Variants in SEPTIN4 observed in about 807,000 individuals in gnomAD.
The protein encoded by SEPTIN4 is septin 4.
Under a neutral mutation model 107.1 loss-of-function variants are expected in SEPTIN4, and 52 were observed. The ratio of observed to expected loss-of-function variants is 0.49; its 90% CI spans 0.39 to 0.61. The LOEUF (loss-of-function observed/expected upper bound fraction) is 0.61. Ranked by LOEUF, SEPTIN4 falls within the 20% of genes least tolerant of loss-of-function variation. The pLI is 0.00. For missense variants in SEPTIN4, 1,048 were observed against 1,243.5 expected (o/e 0.84, Z 2.36); for synonymous variants, 417 against 467.0 (o/e 0.89, Z 1.38).
Position 58,543,667 on chromosome 17 carries a change from C to G in SEPTIN4, c.520G>C (p.Glu174Gln), listed in dbSNP as rs765744480. The G allele has an allele frequency of 3.7e-6, 6 of 1,614,176 alleles. No individual in the cohort carries two copies. Among genetic ancestry groups the G allele is most frequent in the Non-Finnish European group, 5.1e-6 (6 of 1,180,018 alleles). Residue 174 changes from glutamate (E) to glutamine (Q), a missense_variant, in exon 1 of 14, where the codon GAA (glutamate) becomes CAA (glutamine). By Grantham distance (29) the Glu-to-Gln change is conservative (BLOSUM62 2). Around this residue, in one of 2 missense-constraint regions of SEPTIN4, gnomAD observed 787 missense variants for 871.8 expected, o/e 0.90. Transcript: ENST00000672673. Reference protein sequence around the residue: ...QKNNLQSQILEDDPPSKVQNP... With the variant: ...QKNNLQSQILQDDPPSKVQNP... ...TGGACCTTGGATGGTGGGTCATCTTCTAAGATTTGTGATTGTAAGTTATTC... is the reference window on the plus strand; with the variant it reads ...TGGACCTTGGATGGTGGGTCATCTTGTAAGATTTGTGATTGTAAGTTATTC...
Position 58,544,143 on chromosome 17 carries a change from G to A in SEPTIN4, c.44C>T (p.Ala15Val), listed in dbSNP as rs779205925. The A allele has an allele frequency of 2.5e-6, 4 of 1,613,870 alleles. No individual in the cohort carries two copies. Among genetic ancestry groups the A allele is most frequent in the Non-Finnish European group, 3.4e-6 (4 of 1,179,886 alleles). Reference protein sequence around the residue: ...NKPGAKVAVSAQRGSEVTTNT... With the variant: ...NKPGAKVAVSVQRGSEVTTNT... The stretch of plus-strand genomic sequence containing the variant: ...AGTAGTAACCTCAGACCCTCTCTGT[G>A]CTGAAACCGCTACCTTGGCCCCAGG... Residue 15 changes from alanine (A) to valine (V), a missense_variant, in exon 1 of 14, where the codon GCA (alanine) becomes GTA (valine). Transcript: ENST00000672673.
intron 7 of SEPTIN4, chr17:58,524,547 T>C (rs1209473369): frequency 6.6e-6 from 1 of 152,496 alleles, no homozygotes; most frequent in Non-Finnish European, 1.5e-5. Context: ...CATGTGTTTG[T>C]TTTTAAGGCT....
rs1174336250 is a variant in SEPTIN4, at chr17:58,520,792, G to A, written c.2882C>T (p.Pro961Leu). 3 of 1,614,134 alleles carry A rather than the reference G, an allele frequency of 1.9e-6. No homozygotes were observed. The highest frequency in any genetic ancestry group is 2.2e-5 in the East Asian group (1 of 44,882). Reference sequence around the variant, plus strand: ...CTTCTCAGTTTCTGGATCTGTCCCTGGTGGGACAGCAGGGATGGGGAAGTC... The same window carrying A: ...CTTCTCAGTTTCTGGATCTGTCCCTAGTGGGACAGCAGGGATGGGGAAGTC... ...GTDFPIPAVP[P>L]GTDPETEKLI... The change falls in exon 13 of 14, where the codon CCA becomes CTA. Residue 961 changes from proline to leucine, a missense_variant. Physicochemically the swap from Pro to Leu is moderately conservative, Grantham distance 98. Transcript: ENST00000672673.
At chr17:58,522,695 T>C (rs1158200554) in intron 7 of SEPTIN4, among the ~76,000 whole-genome samples, 2 of 148,218 alleles carry the variant, frequency 1.3e-5, no homozygotes, top group Non-Finnish European at 3.0e-5. Flanking sequence ...AAAAAAAGAA[T>C]AGCAAGGTGG....
At chr17:58,536,459 A>G (rs2043714510) in intron 3 of SEPTIN4, among the ~76,000 whole-genome samples, 1 of 152,162 alleles carries the variant, frequency 6.6e-6, no homozygotes, top group South Asian at 2.1e-4. Flanking sequence ...TTAAATTGAC[A>G]TTGGAATGAC....
In SEPTIN4 at chr17:58,543,855, G is replaced by A. The variant is rs1388878608; in HGVS notation, c.332C>T (p.Thr111Ile). Residue 111 changes from threonine to isoleucine, a missense_variant, in exon 1 of 14, where the codon ACA becomes ATA. Physicochemically the swap from Thr to Ile is moderately conservative, Grantham distance 89. Coordinates refer to ENST00000672673, the MANE Select transcript of SEPTIN4 (RefSeq NM_001368771.2). ...SPHLKSQKTQ[T>I]LASHASSRQW... ...TCTGCTTGAAGCATGGGAAGCCAGTGTCTGAGTCTTCTGGCTCTTTAGATG... is the reference window on the plus strand; with the variant it reads ...TCTGCTTGAAGCATGGGAAGCCAGTATCTGAGTCTTCTGGCTCTTTAGATG... The A allele has an allele frequency of 6.2e-7, 1 of 1,614,176 alleles. No individual in the cohort carries two copies. Among genetic ancestry groups the A allele is most frequent in the Non-Finnish European group, 8.5e-7 (1 of 1,180,036 alleles).
At position 58,521,415 on chromosome 17, in the gene SEPTIN4, G is replaced by A. The variant is rs991361989; in HGVS notation, c.2572-65C>T. The A allele has an allele frequency of 2.8e-5, 44 of 1,572,968 alleles. No homozygotes were observed. The Middle Eastern group carries it at 5.0e-4, about 18-fold the overall frequency. ...TCACCTCTTTCTTTCCACCTGTATC[G>A]TCATCTTCTCTGCTTCATTCTAGGA... On this transcript the variant is annotated intron_variant, in intron 10 of 13. Coordinates refer to ENST00000672673, the MANE Select transcript of SEPTIN4 (RefSeq NM_001368771.2). The surrounding 1 kb of genome is among the most constrained non-coding windows in gnomAD (Gnocchi z 6.4).
At chr17:58,522,800 C>T (rs183183737) in intron 7 of SEPTIN4, among the ~76,000 whole-genome samples, 5 of 152,154 alleles carry the variant, frequency 3.3e-5, no homozygotes, top group Non-Finnish European at 7.4e-5. Context: ...CTACCCTTTC[C>T]TCTACCTCTC....
intron 6 of SEPTIN4, 63 bp from the exon 7 acceptor site, chr17:58,525,264 C>T: frequency 6.3e-7 from 1 of 1,590,730 alleles, no homozygotes; most frequent in African/African-American, 1.3e-5. Flanking sequence ...GGATGAACCG[C>T]CCACCCCAAC....
rs2043940341 is a variant in SEPTIN4, at chr17:58,543,484, C to T, written c.703G>A (p.Asp235Asn). The change falls in exon 1 of 14, where the codon GAC becomes AAC. Residue 235 changes from aspartate (D) to asparagine (N), a missense_variant. Around this residue, in one of 2 missense-constraint regions of SEPTIN4, gnomAD observed 787 missense variants for 871.8 expected, o/e 0.90. Transcript: ENST00000672673. ...LEHGSSCVSADYQTAQRRVPV... is the reference protein window; with the variant it reads ...LEHGSSCVSANYQTAQRRVPV... ...ACCCTTCTCTGGGCTGTCTGATAGT[C>T]TGCAGAGACACAGCTGCTTCCGTGC... 3.1e-6 allele frequency: 5 copies of T among 1,614,214 alleles called. No individual in the cohort carries two copies. Among genetic ancestry groups the T allele is most frequent in the Non-Finnish European group, 4.2e-6 (5 of 1,180,042 alleles).
At position 58,526,998 on chromosome 17, in the gene SEPTIN4, T is replaced by C; in HGVS notation, c.1615-20A>G. 7 of 1,612,718 alleles carry C rather than the reference T, an allele frequency of 4.3e-6. No individual in the cohort carries two copies. The highest frequency in any genetic ancestry group is 5.9e-6 in the Non-Finnish European group (7 of 1,179,722). Reference sequence around the variant, plus strand: ...CTTGATCTGGGGGAAGCGGGGTGGGTAGAATAGATGGGTGGTGCCGGGAAG... The same window carrying C: ...CTTGATCTGGGGGAAGCGGGGTGGGCAGAATAGATGGGTGGTGCCGGGAAG... On this transcript the variant is annotated intron_variant, in intron 3 of 13. Coordinates refer to ENST00000672673, the MANE Select transcript of SEPTIN4 (RefSeq NM_001368771.2).
chr17:58,529,956 T>C (rs1440530296), intron 3 of SEPTIN4: 1 of 152,186 alleles, frequency 6.6e-6, no homozygotes, highest in Non-Finnish European at 1.5e-5. Context: ...CCTGTATCAA[T>C]TAGATCACTC....
chr17:58,522,608 G>C (rs2042385419), intron 7 of SEPTIN4, among the ~76,000 whole-genome samples: 1 of 147,684 alleles, frequency 6.8e-6, no homozygotes, highest in Non-Finnish European at 1.5e-5. Flanking sequence ...GTTGCAGTGA[G>C]CCAAGATCAT....
At chr17:58,532,208 C>A in intron 3 of SEPTIN4, 1 of 611,134 alleles carries the variant, frequency 1.6e-6, no homozygotes, top group Non-Finnish European at 2.1e-6. Flanking sequence ...TCGCAGCCCG[C>A]GACCCCCGGA....
intron 3 of SEPTIN4, chr17:58,528,074 C>A: frequency 2.0e-6 from 2 of 976,294 alleles, no homozygotes; most frequent in South Asian, 4.7e-5. Context: ...CCTCACAATA[C>A]CCACGTGCCA....
intron 3 of SEPTIN4, chr17:58,529,018 C>A: frequency 6.9e-7 from 1 of 1,456,060 alleles, no homozygotes; most frequent in Non-Finnish European, 9.6e-7. Context: ...CCCAGCTCTG[C>A]CAGTGACCAA....
At chr17:58,529,025 C>G in intron 3 of SEPTIN4, 1 of 1,510,870 alleles carries the variant, frequency 6.6e-7, no homozygotes, top group Non-Finnish European at 9.2e-7. Context: ...CTGCCAGTGA[C>G]CAAATCATTT....
chr17:58,537,693 G>A (rs2043760619), intron 3 of SEPTIN4, among the ~76,000 whole-genome samples: 1 of 152,076 alleles, frequency 6.6e-6, no homozygotes, highest in African/African-American at 2.4e-5. Context: ...AGCTGGGCGT[G>A]GTGGCGGGTG....
In SEPTIN4 at chr17:58,526,856, G is replaced by A; in HGVS notation, c.1737C>T (p.Val579=). The A allele has an allele frequency of 6.2e-7, 1 of 1,613,782 alleles. No homozygotes were observed. The highest frequency in any genetic ancestry group is 8.5e-7 in the Non-Finnish European group (1 of 1,179,944). ...EAKTWASRPQ[V]PEPRPQAPDL... is the part of the protein sequence containing the mutation. ...CCGGGGCCTGGGGCCTTGGCTCCGG[G>A]ACTTGGGGCCTGGATGCCCAGGTCT... is the stretch of plus-strand genomic sequence containing the variant. Residue 579 remains valine (V), a synonymous_variant, in exon 4 of 14, where the codon GTC becomes GTT. Transcript: ENST00000672673.
Sources: allele counts gnomAD v4.1 joint callset (sites outside exome capture counted in the v4.1 genomes callset), GRCh38; gene constraint gnomAD v4.1.1; regional missense constraint gnomAD v4.1.1; non-coding constraint Gnocchi (gnomAD v3.1); transcripts MANE v1.5; gene names NCBI Gene and HGNC (gene_info 2026-07-23, HGNC 2026-07-21).